ASTN2: variants seen among roughly 807,000 people sequenced by gnomAD.
ASTN2 encodes the protein astrotactin-2.
ASTN2 carries 54 observed loss-of-function variants against 139.8 expected under a neutral mutation model. That is an observed-to-expected ratio of 0.39 (90% CI 0.31 to 0.48). ASTN2 has a LOEUF of 0.48. ASTN2 is among the 20% of genes least tolerant of loss of function. The pLI is 0.95. For missense variants in ASTN2, 1,565 were observed against 1,725.1 expected (o/e 0.91, Z 1.64); for synonymous variants, 756 against 719.5 (o/e 1.05, Z -0.81).
chr9:117,271,731 G>A (rs1305766663), intron 2 of ASTN2, among the ~76,000 whole-genome samples: 1 of 152,188 alleles, frequency 6.6e-6, no homozygotes, highest in Non-Finnish European at 1.5e-5. Flanking sequence ...AAATCCAGCA[G>A]GGCAGTCAAA....
At chr9:116,592,062 T>C (rs891612352) in intron 19 of ASTN2, among the ~76,000 whole-genome samples, 2 of 152,172 alleles carry the variant, frequency 1.3e-5, no homozygotes, top group African/African-American at 4.8e-5. Flanking sequence ...GGCATAGTAT[T>C]TGCATATAGC....
At chr9:116,838,589 A>T (rs1588338587) in intron 11 of ASTN2, among the ~76,000 whole-genome samples, 5 of 130,142 alleles carry the variant, frequency 3.8e-5, no homozygotes, top group South Asian at 2.5e-4. Flanking sequence ...ATGCCCAGCA[A>T]TTTTTTTTTT....
intron 1 of ASTN2, among the ~76,000 whole-genome samples, chr9:117,399,796 A>G (rs1047042600): frequency 1.3e-5 from 2 of 152,178 alleles, no homozygotes; most frequent in South Asian, 4.1e-4. Context: ...ATTGGTTTAG[A>G]TTAGGAAATG....
chr9:116,666,017 C>T (rs1858841773), intron 16 of ASTN2, among the ~76,000 whole-genome samples: 1 of 152,114 alleles, frequency 6.6e-6, no homozygotes. Flanking sequence ...GGAAATACTG[C>T]AGGTAATAAG....
chr9:116,608,825 C>G (rs889655263), intron 19 of ASTN2, among the ~76,000 whole-genome samples: 3 of 152,044 alleles, frequency 2.0e-5, no homozygotes, highest in African/African-American at 7.2e-5. Context: ...ATCCAGTTGT[C>G]AGGATTAGCA....
chr9:116,648,830 T>TC (rs1255073332), intron 17 of ASTN2, among the ~76,000 whole-genome samples: 1 of 152,078 alleles, frequency 6.6e-6, no homozygotes, highest in Admixed American at 6.5e-5. Context: ...GGTCAGAAGT[T>TC]CGAGACCAGC....
At chr9:117,040,016 T>C (rs1423416532) in intron 5 of ASTN2, 51 bp from the exon 6 acceptor site, 2 of 1,530,764 alleles carry the variant, frequency 1.3e-6, no homozygotes, top group African/African-American at 1.4e-5. Context: ...GGTGAGGAAA[T>C]GGGATTGGCA....
intron 4 of ASTN2, among the ~76,000 whole-genome samples, chr9:117,140,251 G>T (rs979922588): frequency 6.6e-6 from 1 of 152,186 alleles, no homozygotes; most frequent in Non-Finnish European, 1.5e-5. Flanking sequence ...ATCTAGGAAA[G>T]ACAGTGGAGA....
chr9:117,080,941 C>T (rs1001618254), intron 5 of ASTN2, among the ~76,000 whole-genome samples: 3 of 152,188 alleles, frequency 2.0e-5, no homozygotes, highest in Admixed American at 1.3e-4. Context: ...TTTCTTCAAA[C>T]ATCACACCCA....
chr9:117,338,657 A>G (rs1207715033), intron 1 of ASTN2, among the ~76,000 whole-genome samples: 1 of 152,248 alleles, frequency 6.6e-6, no homozygotes, highest in East Asian at 1.9e-4. Context: ...ACTGGCACTA[A>G]TCTACCAAGC....
intron 17 of ASTN2, among the ~76,000 whole-genome samples, chr9:116,632,138 G>GAGAGAGAGAC (rs1856777397): frequency 1.3e-5 from 1 of 78,166 alleles, no homozygotes; most frequent in Non-Finnish European, 2.4e-5. Flanking sequence ...AAGAGAGAGA[G>GAGAGAGAGAC]AGAGAGAGAG....
intron 4 of ASTN2, among the ~76,000 whole-genome samples, chr9:117,115,434 T>C (rs1049657046): frequency 6.6e-6 from 1 of 151,798 alleles, no homozygotes; most frequent in African/African-American, 2.4e-5. Context: ...GGAGAATCAC[T>C]TGAACCCAGG....
intron 2 of ASTN2, among the ~76,000 whole-genome samples, chr9:117,252,397 G>A (rs539507505): frequency 4.6e-5 from 7 of 152,224 alleles, no homozygotes; most frequent in East Asian, 1.9e-4. Context: ...CATTTCCCTC[G>A]TTCATTCATT....
At chr9:117,393,687 G>A (rs746761791) in intron 1 of ASTN2, among the ~76,000 whole-genome samples, 1 of 152,146 alleles carries the variant, frequency 6.6e-6, no homozygotes, top group Non-Finnish European at 1.5e-5. Context: ...AGTTCCATCC[G>A]CTCCTGTCTC....
chr9:116,706,426 A>C (rs937798258), intron 16 of ASTN2, among the ~76,000 whole-genome samples: 1 of 152,014 alleles, frequency 6.6e-6, no homozygotes, highest in Non-Finnish European at 1.5e-5. Context: ...TGGAAGTTCA[A>C]ACCACCTAAG....
chr9:116,663,206 T>C lies in ASTN2; in HGVS notation c.2807-11413A>G, dbSNP rs141807676. ...GAATTGGAGGCCTCTGAGATGCTAA[T>C]GACCTGCTTTAGATAAAGACTCCCA... On this transcript the variant is annotated intron_variant, in intron 16 of 22. Transcript: ENST00000313400. 1.2e-4 allele frequency among the ~76,000 whole-genome samples: 19 copies of C among 152,344 alleles called. No homozygotes were observed. The East Asian group carries it at 3.7e-3, about 29-fold the overall frequency.
intron 20 of ASTN2, among the ~76,000 whole-genome samples, chr9:116,447,854 C>T (rs970270950): frequency 6.6e-6 from 1 of 152,222 alleles, no homozygotes; most frequent in African/African-American, 2.4e-5. Flanking sequence ...ACTTCACCCC[C>T]AACTGGAGTA....
At chr9:116,566,953 G>C (rs1853264935) in intron 19 of ASTN2, among the ~76,000 whole-genome samples, 1 of 152,094 alleles carries the variant, frequency 6.6e-6, no homozygotes, top group African/African-American at 2.4e-5. Flanking sequence ...TCTCACATAG[G>C]CCTTTCCCTT....
chr9:117,021,895 A>G (rs1837894099), intron 6 of ASTN2, among the ~76,000 whole-genome samples: 1 of 152,176 alleles, frequency 6.6e-6, no homozygotes, highest in Non-Finnish European at 1.5e-5. Context: ...TTCTTACACT[A>G]TTTCTACCTA....
Sources: gnomAD v4.1 joint callset for allele counts (sites outside exome capture counted in the v4.1 genomes callset) on GRCh38, gnomAD v4.1.1 for gene constraint, MANE v1.5 for transcripts, NCBI Gene and HGNC (gene_info 2026-07-23, HGNC 2026-07-21) for gene names.